Variants in CBX7 observed in about 807,000 individuals in gnomAD.
CBX7 encodes chromobox 7, also known as chromobox protein homolog 7.
A neutral mutation model predicts 31.4 loss-of-function variants in CBX7; 14 were observed. The ratio of observed to expected loss-of-function variants is 0.45; its 90% CI spans 0.29 to 0.70. CBX7 has a LOEUF of 0.70. Among genes scored for constraint, CBX7 ranks in the 30% least tolerant of loss-of-function variants. The pLI, the probability that CBX7 is intolerant of heterozygous loss-of-function variation, is 0.11. For missense variants in CBX7, 269 were observed against 351.9 expected (o/e 0.76, Z 1.89); for synonymous variants, 159 against 152.6 (o/e 1.04, Z -0.31).
chr22:39,133,851 G>T lies in CBX7; in HGVS notation c.*40C>A. On this transcript the variant is annotated 3_prime_UTR_variant, in exon 6 of 6. Transcript: ENST00000216133. Reference sequence around the variant, plus strand: ...CCTATCTCTGGAAGTCCCACCCCAAGCCCAAAAGAAAACAGTTTAAGAAGA... The same window carrying T: ...CCTATCTCTGGAAGTCCCACCCCAATCCCAAAAGAAAACAGTTTAAGAAGA... 6.5e-7 allele frequency: 1 copy of T among 1,527,434 alleles called. No individual in the cohort carries two copies. Among genetic ancestry groups the T allele is most frequent in the Non-Finnish European group, 8.9e-7 (1 of 1,127,784 alleles). The allele number at this position is 1,527,434 out of a possible 1,614,324, so 94.6% of individuals were successfully genotyped here. A position where few individuals can be genotyped will look rare whatever the true frequency, so the allele number is the denominator to read the frequency against.
In CBX7 at chr22:39,138,204, A is replaced by T. The variant is rs1365969672; in HGVS notation, c.246+432T>A. 7.3e-5 allele frequency among the ~76,000 whole-genome samples: 11 copies of T among 149,906 alleles called. No homozygotes were observed. In the East Asian group the frequency reaches 2.2e-3, roughly 29 times the overall value. On this transcript the variant is annotated intron_variant, in intron 4 of 5. Transcript: ENST00000216133. ...TCTCAAAAAAAAAAAAAAAAAAAAG[A>T]TTCTGTTTCTTAGATTCTGAAACTC... is the stretch of plus-strand genomic sequence containing the variant.
At chr22:39,139,021 C>T (rs751833834) in intron 3 of CBX7, among the ~76,000 whole-genome samples, 2 of 152,188 alleles carry the variant, frequency 1.3e-5, no homozygotes, top group Non-Finnish European at 2.9e-5. Flanking sequence ...CCTAAGGACC[C>T]CCTAAAAACG....
intron 2 of CBX7, among the ~76,000 whole-genome samples, chr22:39,146,602 G>A (rs919483822): frequency 6.6e-6 from 1 of 152,254 alleles, no homozygotes; most frequent in African/African-American, 2.4e-5. Context: ...CAGGCAGCCC[G>A]TAGTTCACAT....
At chr22:39,141,350 G>GCGGTGC in intron 3 of CBX7, 21 bp downstream of exon 3, 1 of 1,604,162 alleles carries the variant, frequency 6.2e-7, no homozygotes, top group Non-Finnish European at 8.5e-7. Context: ...GCCCCACCCG[G>GCGGTGC]CGGTGCCGAG....
At chr22:39,142,001 T>G (rs1930475991) in intron 2 of CBX7, among the ~76,000 whole-genome samples, 2 of 152,112 alleles carry the variant, frequency 1.3e-5, no homozygotes, top group Admixed American at 6.5e-5. Flanking sequence ...CTAGAGACCC[T>G]CGGGTGCCAG....
chr22:39,144,463 T>C (rs753799275), intron 2 of CBX7, among the ~76,000 whole-genome samples: 53 of 152,158 alleles, frequency 3.5e-4, no homozygotes, highest in Non-Finnish European at 5.3e-4. Context: ...TAATCACTAA[T>C]GGACCAGGAA....
At chr22:39,144,121 G>A (rs1251696683) in intron 2 of CBX7, among the ~76,000 whole-genome samples, 1 of 152,080 alleles carries the variant, frequency 6.6e-6, no homozygotes, top group East Asian at 1.9e-4. Context: ...AGTATCCCGG[G>A]AACTACCTAA....
Position 39,132,792 on chromosome 22 carries a change from G to C in CBX7, c.*1099C>G, listed in dbSNP as rs1336077500. The C allele has an allele frequency of 6.5e-6, 1 of 152,754 alleles. No individual in the cohort carries two copies. Among genetic ancestry groups the C allele is most frequent in the Admixed American group, 6.5e-5 (1 of 15,272 alleles). 9.5% of individuals were successfully genotyped at this position (152,754 alleles called of 1,614,324 possible). A position where few individuals can be genotyped will look rare whatever the true frequency, so the allele number is the denominator to read the frequency against. The stretch of plus-strand genomic sequence containing the variant: ...CCTGGGTTGGCTGAGTTGGAGGGGA[G>C]GGCAGAAAAAGAGGGGAATTGGAAG... On this transcript the variant is annotated 3_prime_UTR_variant, in exon 6 of 6. Coordinates refer to ENST00000216133, the MANE Select transcript of CBX7 (RefSeq NM_175709.5).
chr22:39,144,249 G>A (rs563958446), intron 2 of CBX7, among the ~76,000 whole-genome samples: 2 of 152,332 alleles, frequency 1.3e-5, no homozygotes, highest in African/African-American at 4.8e-5. Context: ...GAAGCCCTGA[G>A]CCTGGGCTGC....
At chr22:39,137,054 A>G (rs1222132865) in intron 4 of CBX7, among the ~76,000 whole-genome samples, 2 of 152,182 alleles carry the variant, frequency 1.3e-5, no homozygotes, top group Non-Finnish European at 2.9e-5. Context: ...GGGTCTTATT[A>G]CATTAAGGAG....
intron 4 of CBX7, among the ~76,000 whole-genome samples, chr22:39,138,182 C>CA (rs1185254645): frequency 0.045 from 2,622 of 58,106 alleles, 97 homozygotes; most frequent in African/African-American, 0.13. Context: ...GACTCCGTCT[C>CA]AAAAAAAAAA....
intron 5 of CBX7, 69 bp from the exon 6 acceptor site, chr22:39,134,117 G>A (rs573775730): frequency 1.5e-5 from 22 of 1,460,442 alleles, no homozygotes; most frequent in Admixed American, 2.1e-5. Flanking sequence ...CACCCAACCC[G>A]ACCCCAACTC....
At chr22:39,142,011 G>A (rs1296819265) in intron 2 of CBX7, among the ~76,000 whole-genome samples, 4 of 152,208 alleles carry the variant, frequency 2.6e-5, no homozygotes, top group African/African-American at 9.7e-5. Flanking sequence ...TCGGGTGCCA[G>A]GAGGAGAGAG....
chr22:39,145,688 G>T (rs1045400535), intron 2 of CBX7, among the ~76,000 whole-genome samples: 15 of 150,626 alleles, frequency 1.0e-4, no homozygotes, highest in Middle Eastern at 3.5e-3. Flanking sequence ...CGCACGGGGA[G>T]GGGCGCGCGC....
At position 39,134,706 on chromosome 22, in the gene CBX7, T is replaced by C. The variant is rs751646067; in HGVS notation, c.293A>G (p.Lys98Arg). 23 of 1,576,238 alleles carry C rather than the reference T, an allele frequency of 1.5e-5. No individual in the cohort carries two copies. The South Asian group carries it at 1.8e-4, about 13-fold the overall frequency. ...CGTCAGGGAGAAGCAGAGCTTCTCC[T>C]TGCCCTTGGCCTTGTGGGAGCTCCG... Reference protein sequence around the residue: ...DLRSSHKAKGKEKLCFSLTCP... With the variant: ...DLRSSHKAKGREKLCFSLTCP... The change falls in exon 5 of 6, where the codon AAG becomes AGG. Residue 98 changes from lysine to arginine, a missense_variant. Lys to Arg is a conservative substitution (Grantham distance 26). Around this residue, in one of 2 missense-constraint regions of CBX7, gnomAD observed 222 missense variants for 240.4 expected, o/e 0.92. Coordinates refer to ENST00000216133, the MANE Select transcript of CBX7 (RefSeq NM_175709.5).
intron 4 of CBX7, chr22:39,135,046 A>C: frequency 7.8e-6 from 3 of 382,612 alleles, no homozygotes; most frequent in South Asian, 7.6e-5. Context: ...ACAAACTGAA[A>C]ACTGGCCAAG....
In CBX7 at chr22:39,132,185, C is replaced by T. The variant is rs1930066394; in HGVS notation, c.*1706G>A. 1 of 152,288 alleles carries T rather than the reference C, an allele frequency of 6.6e-6. No homozygotes were observed. The highest frequency in any genetic ancestry group is 2.4e-5 in the African/African-American group (1 of 41,422). 9.4% of individuals were successfully genotyped at this position (152,288 alleles called of 1,614,324 possible). ...CTGGGAAGCCTGTCAACAGAGCACCCCATGCAGAAAGGGCTGCAGGCTGTC... is the reference window on the plus strand; with the variant it reads ...CTGGGAAGCCTGTCAACAGAGCACCTCATGCAGAAAGGGCTGCAGGCTGTC... On this transcript the variant is annotated 3_prime_UTR_variant, in exon 6 of 6. Transcript: ENST00000216133.
chr22:39,136,065 G>A (rs1287364152), intron 4 of CBX7: 1 of 150,318 alleles, frequency 6.7e-6, no homozygotes, highest in East Asian at 1.9e-4. Context: ...ATTCCAGCCT[G>A]GGCGACAGAG....
rs1288216313 is a variant in CBX7 at position 39,133,130 on chromosome 22, G to T, written c.*761C>A. 3.9e-5 allele frequency: 6 copies of T among 152,242 alleles called. No homozygotes were observed. Among genetic ancestry groups the T allele is most frequent in the African/African-American group, 1.4e-4 (6 of 41,444 alleles). 9.4% of individuals were successfully genotyped at this position (152,242 alleles called of 1,614,324 possible). A position where few individuals can be genotyped will look rare whatever the true frequency, so the allele number is the denominator to read the frequency against. On this transcript the variant is annotated 3_prime_UTR_variant, in exon 6 of 6. Transcript: ENST00000216133. ...ATCACCCCACGTTCGCCTGGCCAGGGTTTCTAACCCAGGTTCGCAAGGCCC... is the reference window on the plus strand; with the variant it reads ...ATCACCCCACGTTCGCCTGGCCAGGTTTTCTAACCCAGGTTCGCAAGGCCC...
Sources: allele counts gnomAD v4.1 joint callset (sites outside exome capture counted in the v4.1 genomes callset), GRCh38; gene constraint gnomAD v4.1.1; regional missense constraint gnomAD v4.1.1; transcripts MANE v1.5; gene names NCBI Gene and HGNC (gene_info 2026-07-23, HGNC 2026-07-21).